Variants in RANBP2 observed in about 807,000 individuals in gnomAD.
The protein encoded by RANBP2 is RAN binding protein 2, also known as E3 SUMO-protein ligase RanBP2.
A neutral mutation model predicts 303.6 loss-of-function variants in RANBP2; 57 were observed. The observed-to-expected ratio is 0.19, with a 90% confidence interval of 0.15 to 0.23. RANBP2 has a LOEUF of 0.23. Ranked by LOEUF, RANBP2 falls within the 10% of genes least tolerant of loss-of-function variation. The pLI is 1.00. For missense variants in RANBP2, 3,138 were observed against 3,780.8 expected (o/e 0.83, Z 4.46); for synonymous variants, 1,167 against 1,301.5 (o/e 0.90, Z 2.23).
chr2:109,656,044 C>T, the RANBP2 span, among the ~76,000 whole-genome samples: 1 of 152,170 alleles, frequency 6.6e-6, no homozygotes, highest in Non-Finnish European at 1.5e-5. Context: ...CAAGTGATAT[C>T]TCCACAAATC....
At chr2:109,170,315 TCCTCTCTC>T in the RANBP2 span, among the ~76,000 whole-genome samples, 1 of 140,188 alleles carries the variant, frequency 7.1e-6, no homozygotes, top group Admixed American at 7.4e-5. Context: ...TTCTCTTCTC[TCCTCTCTC>T]TCTCTCCTCT....
the RANBP2 span, among the ~76,000 whole-genome samples, chr2:109,000,749 A>C: frequency 6.6e-6 from 1 of 152,152 alleles, no homozygotes; most frequent in Non-Finnish European, 1.5e-5. Context: ...GGCACTAAGC[A>C]CTTTATGTGA....
chr2:109,479,790 A>G, the RANBP2 span, among the ~76,000 whole-genome samples: 8 of 152,252 alleles, frequency 5.3e-5, no homozygotes, highest in African/African-American at 1.9e-4. Context: ...TTGCAATTCT[A>G]CGGGTTTCGC....
At chr2:108,907,048 T>C in the RANBP2 span, among the ~76,000 whole-genome samples, 139,168 of 152,312 alleles carry the variant, frequency 0.91, 63,652 homozygotes, top group East Asian at 1. Context: ...AGGCCAGGTC[T>C]ACAGGGAGCC....
At chr2:109,445,600 A>G in the RANBP2 span, among the ~76,000 whole-genome samples, 1 of 152,218 alleles carries the variant, frequency 6.6e-6, no homozygotes, top group Non-Finnish European at 1.5e-5. Flanking sequence ...GGGAGAGACA[A>G]CTGGTTAATA....
the RANBP2 span, among the ~76,000 whole-genome samples, chr2:109,049,823 T>G: frequency 6.6e-6 from 1 of 152,188 alleles, no homozygotes; most frequent in Non-Finnish European, 1.5e-5. Flanking sequence ...AAAAACATCA[T>G]CAGAACTTCA....
At chr2:109,595,925 C>T in the RANBP2 span, among the ~76,000 whole-genome samples, 3 of 152,210 alleles carry the variant, frequency 2.0e-5, no homozygotes, top group Admixed American at 2.0e-4. Flanking sequence ...ACCTAACATA[C>T]TACCTGCTTG....
At chr2:108,923,469 A>G in the RANBP2 span, 1 of 1,612,638 alleles carries the variant, frequency 6.2e-7, no homozygotes, top group Non-Finnish European at 8.5e-7. Flanking sequence ...GGGGAGAGAC[A>G]AGACAAAACA....
the RANBP2 span, among the ~76,000 whole-genome samples, chr2:109,634,545 CA>C: frequency 6.6e-6 from 1 of 152,118 alleles, no homozygotes; most frequent in Non-Finnish European, 1.5e-5. Flanking sequence ...AGATATCTTT[CA>C]AACAAATAAA....
the RANBP2 span, among the ~76,000 whole-genome samples, chr2:109,250,970 T>C: frequency 3.3e-5 from 5 of 151,994 alleles, no homozygotes; most frequent in African/African-American, 7.2e-5. Flanking sequence ...TTGCATTCTG[T>C]ATAGCTTTTT....
chr2:109,036,398 T>C, the RANBP2 span, among the ~76,000 whole-genome samples: 1 of 152,196 alleles, frequency 6.6e-6, no homozygotes, highest in African/African-American at 2.4e-5. Flanking sequence ...AAGAAAGTTA[T>C]AGACCACTAT....
the RANBP2 span, among the ~76,000 whole-genome samples, chr2:108,967,471 G>A: frequency 8.5e-5 from 13 of 152,096 alleles, no homozygotes; most frequent in South Asian, 2.1e-4. Flanking sequence ...TTTAAAGTTC[G>A]TGTTTACGGG....
the RANBP2 span, among the ~76,000 whole-genome samples, chr2:108,897,645 T>C: frequency 3.9e-4 from 60 of 152,292 alleles, no homozygotes; most frequent in South Asian, 8.3e-4. Context: ...GTAGTCAACT[T>C]TGTGATGGCT....
the RANBP2 span, among the ~76,000 whole-genome samples, chr2:109,173,344 T>C: frequency 2.6e-5 from 4 of 152,278 alleles, no homozygotes; most frequent in Admixed American, 1.3e-4. Context: ...CTGCCCGTTA[T>C]CAACCGAGCC....
the RANBP2 span, among the ~76,000 whole-genome samples, chr2:109,184,570 C>T: frequency 4.6e-5 from 7 of 152,292 alleles, no homozygotes; most frequent in Non-Finnish European, 7.3e-5. Context: ...CCCCTCTGAT[C>T]CAGGTTGTTG....
the RANBP2 span, among the ~76,000 whole-genome samples, chr2:108,899,316 G>A: frequency 6.6e-6 from 1 of 152,224 alleles, no homozygotes; most frequent in Admixed American, 6.5e-5. Flanking sequence ...TGCATACCAG[G>A]TTGCAGTGAG....
the RANBP2 span, among the ~76,000 whole-genome samples, chr2:108,863,805 A>T: frequency 6.6e-6 from 1 of 152,324 alleles, no homozygotes; most frequent in East Asian, 1.9e-4. Flanking sequence ...CACTTCAGGG[A>T]TATGTGGCAC....
chr2:108,965,103 A>ATGTGTGTG, the RANBP2 span, among the ~76,000 whole-genome samples: 142 of 152,158 alleles, frequency 9.3e-4, no homozygotes, highest in African/African-American at 3.2e-3. Context: ...GCACGCAAGC[A>ATGTGTGTG]TGTGTGTGTC....
chr2:109,241,257 T>TAACAACAACA, the RANBP2 span, among the ~76,000 whole-genome samples: 1 of 151,184 alleles, frequency 6.6e-6, no homozygotes, highest in African/African-American at 2.4e-5. Context: ...CCTAAGAATA[T>TAACAACAACA]AACAACAACA....
Sources: gnomAD v4.1 joint callset for allele counts (sites outside exome capture counted in the v4.1 genomes callset) on GRCh38, gnomAD v4.1.1 for gene constraint, MANE v1.5 for transcripts, NCBI Gene and HGNC (gene_info 2026-07-23, HGNC 2026-07-21) for gene names.